Variants in ELMO1 observed in about 807,000 individuals in gnomAD.
The protein encoded by ELMO1 is engulfment and cell motility 1.
A neutral mutation model predicts 98.9 loss-of-function variants in ELMO1; 26 were observed. The ratio of observed to expected loss-of-function variants is 0.26; its 90% CI spans 0.19 to 0.36. The LOEUF is 0.36. ELMO1 is among the 10% of genes least tolerant of loss of function. The pLI, the probability that ELMO1 is intolerant of heterozygous loss-of-function variation, is 1.00. For synonymous variants in ELMO1, 346 were observed against 346.0 expected, an observed-to-expected ratio of 1.00 and a Z score of 0.00; for missense variants, 627 against 935.2, an observed-to-expected ratio of 0.67 and a Z score of 4.30.
intron 20 of ELMO1, among the ~76,000 whole-genome samples, chr7:36,864,543 T>C (rs1449393716): frequency 6.6e-6 from 1 of 152,204 alleles, no homozygotes; most frequent in Non-Finnish European, 1.5e-5. Context: ...TTGCTGTTGT[T>C]GAGTCATTGG....
Position 37,195,417 on chromosome 7 carries a change from T to C in ELMO1, c.1086+15969A>G, listed in dbSNP as rs1445767543. On this transcript the variant is annotated intron_variant, in intron 13 of 21. Coordinates refer to ENST00000310758, the MANE Select transcript of ELMO1 (RefSeq NM_014800.11). Reference sequence around the variant, plus strand: ...TAGATTAAACTCCAACATGACCCTATTGCCTGGCATGATCCGTTACTATCA... The same window carrying C: ...TAGATTAAACTCCAACATGACCCTACTGCCTGGCATGATCCGTTACTATCA... Among the ~76,000 whole-genome samples, 6 of 152,358 alleles carry C rather than the reference T, an allele frequency of 3.9e-5. No homozygotes were observed. In the East Asian group the frequency reaches 1.2e-3, roughly 29 times the overall value.
intron 5 of ELMO1, chr7:37,269,725 T>C (rs1796460232): frequency 6.6e-6 from 1 of 152,224 alleles, no homozygotes; most frequent in African/African-American, 2.4e-5. Flanking sequence ...ATTACAGGCG[T>C]GAGCCACTGC....
chr7:37,054,785 T>G (rs1796307423), intron 15 of ELMO1, among the ~76,000 whole-genome samples: 1 of 152,236 alleles, frequency 6.6e-6, no homozygotes, highest in Non-Finnish European at 1.5e-5. Flanking sequence ...CCTACAGTAA[T>G]TCAGAGGAAG....
At chr7:37,374,559 G>A (rs931206706) in intron 1 of ELMO1, among the ~76,000 whole-genome samples, 57 of 151,912 alleles carry the variant, frequency 3.8e-4, no homozygotes, top group Non-Finnish European at 7.5e-4. Context: ...AGACCATCCT[G>A]GCTACTATGG....
intron 14 of ELMO1, among the ~76,000 whole-genome samples, chr7:37,097,547 G>A (rs1305841540): frequency 2.0e-5 from 3 of 151,662 alleles, no homozygotes; most frequent in Non-Finnish European, 2.9e-5. Flanking sequence ...TAGTGCCACT[G>A]CACTCCAGCC....
intron 13 of ELMO1, among the ~76,000 whole-genome samples, chr7:37,145,118 C>T (rs1787898083): frequency 6.6e-6 from 1 of 152,198 alleles, no homozygotes; most frequent in African/African-American, 2.4e-5. Context: ...TTGCTGGCCC[C>T]ACCCCAAGTC....
chr7:37,250,019 C>A (rs1194046353), intron 6 of ELMO1, among the ~76,000 whole-genome samples: 2 of 152,108 alleles, frequency 1.3e-5, no homozygotes, highest in Non-Finnish European at 2.9e-5. Flanking sequence ...GTCAAGGCTG[C>A]AGTGAGCTAT....
intron 13 of ELMO1, among the ~76,000 whole-genome samples, chr7:37,204,531 T>C (rs1792493269): frequency 6.6e-6 from 1 of 152,164 alleles, no homozygotes; most frequent in Admixed American, 6.5e-5. Context: ...AGCAGCAAGA[T>C]TTATTGCAAA....
chr7:36,926,047 A>G (rs1193518682), intron 16 of ELMO1, among the ~76,000 whole-genome samples: 5 of 152,136 alleles, frequency 3.3e-5, no homozygotes, highest in Non-Finnish European at 5.9e-5. Flanking sequence ...AGTCCCCTTC[A>G]TCTTCATTCT....
chr7:37,358,290 C>A (rs1327061853), intron 1 of ELMO1, among the ~76,000 whole-genome samples: 1 of 152,190 alleles, frequency 6.6e-6, no homozygotes, highest in Non-Finnish European at 1.5e-5. Context: ...TGCTTTGTAT[C>A]TGCATTCAGT....
At chr7:37,040,572 T>C (rs1409914640) in intron 15 of ELMO1, among the ~76,000 whole-genome samples, 1 of 152,204 alleles carries the variant, frequency 6.6e-6, no homozygotes, top group Non-Finnish European at 1.5e-5. Context: ...CTCCCCAGTG[T>C]ACGGCTTTGT....
intron 10 of ELMO1, among the ~76,000 whole-genome samples, chr7:37,221,434 T>C (rs147085529): frequency 1.1e-4 from 17 of 152,296 alleles, no homozygotes; most frequent in African/African-American, 2.9e-4. Flanking sequence ...AGTTTCTAGG[T>C]GAGTGAAAGA....
chr7:37,050,382 G>T (rs997068348), intron 15 of ELMO1, among the ~76,000 whole-genome samples: 1 of 152,104 alleles, frequency 6.6e-6, no homozygotes, highest in African/African-American at 2.4e-5. Context: ...TTATAGGCGT[G>T]AGCCACCATG....
At chr7:37,232,626 C>T (rs1385099186) in intron 8 of ELMO1, among the ~76,000 whole-genome samples, 1 of 152,206 alleles carries the variant, frequency 6.6e-6, no homozygotes, top group Non-Finnish European at 1.5e-5. Context: ...AGTAAGCAGG[C>T]TCACTCTGCT....
chr7:37,108,297 T>A (rs1280282798), intron 14 of ELMO1, among the ~76,000 whole-genome samples: 19 of 152,040 alleles, frequency 1.2e-4, no homozygotes, highest in Admixed American at 1.2e-3. Context: ...CATGGCTCCC[T>A]CCTAGGGAAA....
intron 10 of ELMO1, among the ~76,000 whole-genome samples, chr7:37,221,525 C>A (rs1388114368): frequency 1.3e-5 from 2 of 152,004 alleles, no homozygotes; most frequent in African/African-American, 4.8e-5. Flanking sequence ...TTGAAAAAAA[C>A]ATGAATGGAT....
intron 4 of ELMO1, among the ~76,000 whole-genome samples, chr7:37,313,137 A>G (rs1017596838): frequency 6.6e-6 from 1 of 152,246 alleles, no homozygotes; most frequent in African/African-American, 2.4e-5. Context: ...GAGACAGGAA[A>G]CTAAACGTTT....
At chr7:37,178,042 T>C (rs903280069) in intron 13 of ELMO1, among the ~76,000 whole-genome samples, 5 of 152,022 alleles carry the variant, frequency 3.3e-5, no homozygotes, top group African/African-American at 1.2e-4. Flanking sequence ...AACACCCAGA[T>C]AGCTGGTGAA....
intron 14 of ELMO1, among the ~76,000 whole-genome samples, chr7:37,110,903 A>AT (rs1785217771): frequency 6.6e-6 from 1 of 152,112 alleles, no homozygotes; most frequent in South Asian, 2.1e-4. Flanking sequence ...AGCGTAGGGG[A>AT]TTTTTTGGTA....
Sources: allele counts gnomAD v4.1 joint callset (sites outside exome capture counted in the v4.1 genomes callset), GRCh38; gene constraint gnomAD v4.1.1; transcripts MANE v1.5; gene names NCBI Gene and HGNC (gene_info 2026-07-23, HGNC 2026-07-21).